ACTR3: variants seen among roughly 807,000 people sequenced by gnomAD.
ACTR3 encodes the protein actin related protein 3.
ACTR3 carries 12 observed loss-of-function variants against 56.8 expected under a neutral mutation model. The observed-to-expected ratio is 0.21, with a 90% CI of 0.14 to 0.34. The LOEUF is 0.34. ACTR3 is among the 10% of genes least tolerant of loss of function. ACTR3 has a pLI of 1.00. For missense variants in ACTR3, 282 were observed against 512.5 expected, an observed-to-expected ratio of 0.55 and a Z score of 4.34; for synonymous variants, 162 against 167.4, an observed-to-expected ratio of 0.97 and a Z score of 0.25.
intron 3 of ACTR3, among the ~76,000 whole-genome samples, chr2:113,920,201 G>A (rs570905398): frequency 6.6e-6 from 1 of 152,320 alleles, no homozygotes; most frequent in Non-Finnish European, 1.5e-5. Flanking sequence ...GGGATTACAG[G>A]TGTGAGCCAC....
intron 5 of ACTR3, among the ~76,000 whole-genome samples, chr2:113,933,677 ATT>A (rs1167918809): frequency 1.2e-4 from 15 of 123,788 alleles, no homozygotes; most frequent in Admixed American, 5.7e-4. Flanking sequence ...GTTCTATACA[ATT>A]TTTTTTTTTT....
At chr2:113,907,582 A>G (rs751802477) in intron 1 of ACTR3, among the ~76,000 whole-genome samples, 5 of 152,218 alleles carry the variant, frequency 3.3e-5, no homozygotes, top group African/African-American at 4.8e-5. Flanking sequence ...TATCCAGGAA[A>G]TCTTTACAGA....
Position 113,958,183 on chromosome 2 carries a change from A to G in ACTR3, c.*728A>G, listed in dbSNP as rs531424839. 2.6e-5 allele frequency: 4 copies of G among 152,680 alleles called. No individual in the cohort carries two copies. The East Asian group carries it at 5.8e-4, about 22-fold the overall frequency. 9.5% of individuals were successfully genotyped at this position (152,680 alleles called of 1,614,324 possible). A position where few individuals can be genotyped will look rare whatever the true frequency, so the allele number is the denominator to read the frequency against. On this transcript the variant is annotated 3_prime_UTR_variant, in exon 12 of 12. Transcript: ENST00000263238. ...TAGTGTCATTTCTTATAAAAAACAA[A>G]ACAACAACAATAATTTATCAAAATT...
chr2:113,953,953 A>T (rs1420226363), intron 10 of ACTR3: 1 of 152,202 alleles, frequency 6.6e-6, no homozygotes, highest in African/African-American at 2.4e-5. Flanking sequence ...GTGTTGCTTC[A>T]GTCTGTTACA....
intron 3 of ACTR3, among the ~76,000 whole-genome samples, chr2:113,919,047 T>G (rs1679458908): frequency 6.6e-6 from 1 of 152,246 alleles, no homozygotes; most frequent in South Asian, 2.1e-4. Context: ...CTTTGGTGGT[T>G]ATAATCTATG....
chr2:113,960,274 A>G lies in ACTR3; in HGVS notation c.*2819A>G, dbSNP rs1486121248. ...GACATTAATTCATGGCACCTACTAT[A>G]AGTACTCATCCTCTTCTTACCTATC... On this transcript the variant is annotated 3_prime_UTR_variant, in exon 12 of 12. Transcript: ENST00000263238. 2 of 151,990 alleles carry G rather than the reference A, an allele frequency of 1.3e-5. No homozygotes were observed. Among genetic ancestry groups the G allele is most frequent in the African/African-American group, 4.8e-5 (2 of 41,426 alleles). The allele number at this position is 151,990 out of a possible 1,614,324, so 9.4% of individuals were successfully genotyped here.
intron 3 of ACTR3, among the ~76,000 whole-genome samples, chr2:113,923,083 T>G (rs1559472278): frequency 6.6e-6 from 1 of 152,216 alleles, no homozygotes; most frequent in Non-Finnish European, 1.5e-5. Flanking sequence ...CATTTTTAAG[T>G]CTTCTAAGTG....
At chr2:113,895,122 A>T (rs1281807553) in intron 1 of ACTR3, among the ~76,000 whole-genome samples, 2 of 125,064 alleles carry the variant, frequency 1.6e-5, no homozygotes, top group East Asian at 4.9e-4. Flanking sequence ...ACTTTGCTTA[A>T]ATTTAATCTC....
intron 2 of ACTR3, among the ~76,000 whole-genome samples, chr2:113,913,572 A>G (rs1227180134): frequency 1.3e-5 from 2 of 152,236 alleles, no homozygotes; most frequent in Non-Finnish European, 2.9e-5. Flanking sequence ...ATACCTATGA[A>G]GACTGTCCTT....
intron 2 of ACTR3, among the ~76,000 whole-genome samples, chr2:113,914,431 T>C (rs980891221): frequency 3.3e-5 from 5 of 151,966 alleles, no homozygotes; most frequent in African/African-American, 9.7e-5. Context: ...ACCAACATGA[T>C]GAAACCCTGT....
chr2:113,930,090 G>A (rs1479578505), intron 4 of ACTR3, among the ~76,000 whole-genome samples: 3 of 152,026 alleles, frequency 2.0e-5, no homozygotes, highest in Non-Finnish European at 4.4e-5. Context: ...TTTCATGTAC[G>A]ATTGTTATTA....
intron 1 of ACTR3, among the ~76,000 whole-genome samples, chr2:113,895,682 C>G (rs888676944): frequency 1.3e-5 from 2 of 152,086 alleles, no homozygotes; most frequent in African/African-American, 4.8e-5. Context: ...TTTCTTTTTA[C>G]GTTTCTTCTG....
Position 113,962,155 on chromosome 2 carries a change from C to G in ACTR3, c.*4700C>G, listed in dbSNP as rs1157775226. On this transcript the variant is annotated 3_prime_UTR_variant, in exon 12 of 12. Coordinates refer to ENST00000263238, the MANE Select transcript of ACTR3 (RefSeq NM_005721.5). ...ATATGACCGAATTACGACTTTTTTTCTGTTCCACTAGTTTCTACCTTAGAA... is the reference window on the plus strand; with the variant it reads ...ATATGACCGAATTACGACTTTTTTTGTGTTCCACTAGTTTCTACCTTAGAA... The G allele has an allele frequency of 6.6e-6, 1 of 151,876 alleles. No individual in the cohort carries two copies. The highest frequency in any genetic ancestry group is 1.5e-5 in the Non-Finnish European group (1 of 67,866). The allele number at this position is 151,876 out of a possible 1,614,324, so 9.4% of individuals were successfully genotyped here. A position where few individuals can be genotyped will look rare whatever the true frequency, so the allele number is the denominator to read the frequency against.
chr2:113,924,434 C>G (rs1177589471), intron 3 of ACTR3, among the ~76,000 whole-genome samples: 2 of 152,058 alleles, frequency 1.3e-5, no homozygotes, highest in Non-Finnish European at 2.9e-5. Context: ...GTCCATACCA[C>G]TATTGGTACT....
chr2:113,942,397 C>T (rs747855058), intron 8 of ACTR3, 38 bp downstream of exon 8: 1 of 1,387,628 alleles, frequency 7.2e-7, no homozygotes, highest in South Asian at 1.6e-5. Flanking sequence ...AAGTATTCAG[C>T]AGCAAATATG....
At chr2:113,895,059 TCC>T (rs61667793) in intron 1 of ACTR3, among the ~76,000 whole-genome samples, 3,490 of 111,450 alleles carry the variant, frequency 0.031, 158 homozygotes, top group African/African-American at 0.11. Context: ...TGGTTTAGGT[TCC>T]CCCCCCCCAC....
chr2:113,933,881 C>T (rs13396561), intron 5 of ACTR3: 27,287 of 162,692 alleles, frequency 0.17, 4,186 homozygotes, highest in African/African-American at 0.4. Flanking sequence ...GGGGTTTCCC[C>T]GTGTTAGCCA....
intron 4 of ACTR3, among the ~76,000 whole-genome samples, chr2:113,927,934 A>G (rs369356262): frequency 2.0e-5 from 3 of 152,084 alleles, no homozygotes; most frequent in African/African-American, 7.2e-5. Context: ...ACCTCTCCCA[A>G]CCTTTGGTTC....
chr2:113,919,732 A>G (rs1206409897), intron 3 of ACTR3, among the ~76,000 whole-genome samples: 1 of 147,366 alleles, frequency 6.8e-6, no homozygotes, highest in Non-Finnish European at 1.5e-5. Context: ...TTAAAGGAAA[A>G]ACATCTAAAA....
Sources: allele counts gnomAD v4.1 joint callset (sites outside exome capture counted in the v4.1 genomes callset), GRCh38; gene constraint gnomAD v4.1.1; transcripts MANE v1.5; gene names NCBI Gene and HGNC (gene_info 2026-07-23, HGNC 2026-07-21).